ANKRD36C: variants seen among roughly 807,000 people sequenced by gnomAD.
ANKRD36C encodes the protein ankyrin repeat domain-containing protein 36C.
In ANKRD36C, 61 loss-of-function variants were observed where a neutral mutation model predicts 276.4. That is an observed-to-expected ratio of 0.22 (90% CI 0.18 to 0.27). The LOEUF (loss-of-function observed/expected upper bound fraction) is 0.27. Among genes scored for constraint, ANKRD36C ranks in the 10% least tolerant of loss-of-function variants. The pLI, the probability that ANKRD36C is intolerant of heterozygous loss-of-function variation, is 1.00. For synonymous variants in ANKRD36C, 483 were observed against 680.1 expected, an observed-to-expected ratio of 0.71 and a Z score of 4.51; for missense variants, 1,447 against 2,032.3, an observed-to-expected ratio of 0.71 and a Z score of 5.54.
chr2:95,977,282 TG>T (rs1678830120), intron 6 of ANKRD36C, among the ~76,000 whole-genome samples: 1 of 152,162 alleles, frequency 6.6e-6, no homozygotes, highest in Non-Finnish European at 1.5e-5. Flanking sequence ...TCATATTAAC[TG>T]TACCTCTTTT....
At chr2:95,947,788 A>C (rs796166059) in intron 17 of ANKRD36C, among the ~76,000 whole-genome samples, 1 of 152,154 alleles carries the variant, frequency 6.6e-6, no homozygotes. Context: ...TCTACTATAG[A>C]TGTGAGAACA....
chr2:95,857,521 C>T, intron 61 of ANKRD36C, 29 bp from the exon 82 acceptor site: 1 of 1,536,020 alleles, frequency 6.5e-7, no homozygotes, highest in Admixed American at 2.1e-5. Context: ...TAGAATTTAT[C>T]TTATCAGTGA....
chr2:95,982,139 C>G, intron 4 of ANKRD36C, 117 bp downstream of exon 4: 1 of 757,066 alleles, frequency 1.3e-6, no homozygotes, highest in Non-Finnish European at 2.1e-6. Context: ...CTCACTATAT[C>G]CCAATAATTA....
chr2:95,889,848 A>G, exon 48 of ANKRD36C: 14 of 1,603,610 alleles, frequency 8.7e-6, no homozygotes, highest in Non-Finnish European at 1.2e-5. Context: ...TATTCGGAAC[A>G]GAATTTTCCT....
At chr2:95,946,668 A>T (rs1264882972) in intron 17 of ANKRD36C, among the ~76,000 whole-genome samples, 3 of 151,210 alleles carry the variant, frequency 2.0e-5, no homozygotes, top group Non-Finnish European at 4.4e-5. Context: ...CAAATGTCCA[A>T]CAATGATAGA....
At chr2:95,915,004 C>T (rs756674412) in intron 38 of ANKRD36C, among the ~76,000 whole-genome samples, 16 of 150,868 alleles carry the variant, frequency 1.1e-4, no homozygotes, top group Admixed American at 3.3e-4. Context: ...AAATATCATC[C>T]ATTATCAATT....
At chr2:95,989,702 CA>C (rs1241133208) in intron 1 of ANKRD36C, among the ~76,000 whole-genome samples, 1 of 152,134 alleles carries the variant, frequency 6.6e-6, no homozygotes, top group Non-Finnish European at 1.5e-5. Flanking sequence ...TACATTTTTA[CA>C]GTGTGATACT....
At chr2:95,968,224 G>A (rs1368316935) in intron 6 of ANKRD36C, among the ~76,000 whole-genome samples, 2 of 152,064 alleles carry the variant, frequency 1.3e-5, no homozygotes, top group Non-Finnish European at 1.5e-5. Context: ...ATACTTGGAG[G>A]CTATACTAAA....
chr2:95,880,559 G>C (rs199618189), intron 57 of ANKRD36C, 36 bp downstream of exon 77: 5 of 1,533,232 alleles, frequency 3.3e-6, no homozygotes, highest in Non-Finnish European at 3.5e-6. Flanking sequence ...AGGTTATGCA[G>C]TTAATAATTA....
Position 95,910,352 on chromosome 2 carries a change from T to A in ANKRD36C, c.2653+1892A>T. On this transcript the variant is annotated intron_variant, in intron 42 of 66. Coordinates refer to ENST00000456556, the Ensembl canonical transcript of ANKRD36C. ...TATCTATCTGGACAGAACACGACATTAAATCTGTTTTCAAAATTACCTGTC... is the reference window on the plus strand; with the variant it reads ...TATCTATCTGGACAGAACACGACATAAAATCTGTTTTCAAAATTACCTGTC... 4 of 1,529,296 alleles carry A rather than the reference T, an allele frequency of 2.6e-6. No individual in the cohort carries two copies. In the South Asian group the frequency reaches 4.8e-5, roughly 18 times the overall value. 94.7% of individuals were successfully genotyped at this position (1,529,296 alleles called of 1,614,324 possible). A position where few individuals can be genotyped will look rare whatever the true frequency, so the allele number is the denominator to read the frequency against.
exon 1 of ANKRD36C, chr2:95,991,673 G>A: frequency 1.2e-6 from 2 of 1,613,982 alleles, no homozygotes; most frequent in Non-Finnish European, 1.7e-6. Flanking sequence ...AGCGGTCCCT[G>A]AGGGTGGGCC....
intron 16 of ANKRD36C, among the ~76,000 whole-genome samples, chr2:95,950,157 C>A (rs369999257): frequency 7.0e-6 from 1 of 142,070 alleles, no homozygotes; most frequent in African/African-American, 2.6e-5. Context: ...ATTCTCCAAG[C>A]ACAGTAAAAT....
chr2:95,908,766 G>A (rs1382516405), intron 42 of ANKRD36C, 69 bp from the exon 47 acceptor site: 2 of 1,530,762 alleles, frequency 1.3e-6, no homozygotes, highest in Non-Finnish European at 1.8e-6. Flanking sequence ...TATTCATGCA[G>A]TGTTAGCATC....
intron 22 of ANKRD36C, among the ~76,000 whole-genome samples, chr2:95,937,996 A>T (rs538771456): frequency 1.3e-5 from 2 of 152,192 alleles, no homozygotes; most frequent in African/African-American, 2.4e-5. Flanking sequence ...CAAAACAAAG[A>T]TGACCAAACT....
downstream of ANKRD36C, among the ~76,000 whole-genome samples, chr2:95,850,292 C>A (rs1187248743): frequency 6.6e-6 from 1 of 152,278 alleles, no homozygotes; most frequent in African/African-American, 2.4e-5. Context: ...CACCCCTCAA[C>A]AACTGTATGC....
intron 46 of ANKRD36C, among the ~76,000 whole-genome samples, chr2:95,891,420 C>T (rs947209383): frequency 2.6e-5 from 4 of 151,402 alleles, no homozygotes; most frequent in African/African-American, 9.7e-5. Flanking sequence ...GCCCCTTATG[C>T]CTTGAACTGC....
intron 38 of ANKRD36C, among the ~76,000 whole-genome samples, chr2:95,915,274 T>A (rs916414268): frequency 7.9e-5 from 12 of 151,618 alleles, no homozygotes; most frequent in Admixed American, 2.6e-4. Context: ...ATCTCATTTC[T>A]ATAACTAAAA....
At chr2:95,943,402 G>A (rs199921833) in intron 19 of ANKRD36C, among the ~76,000 whole-genome samples, 148 of 146,594 alleles carry the variant, frequency 1.0e-3, no homozygotes, top group Non-Finnish European at 1.8e-3. Context: ...GGAGAATGGC[G>A]TGAACCCGGG....
At chr2:95,918,200 GT>G (rs1262866256) in intron 34 of ANKRD36C, among the ~76,000 whole-genome samples, 158 bp from the exon 37 acceptor site, 15 of 151,602 alleles carry the variant, frequency 9.9e-5, no homozygotes, top group Admixed American at 9.2e-4. Flanking sequence ...CATGACAGAA[GT>G]ACACTGGTAA....
Sources: allele counts gnomAD v4.1 joint callset (sites outside exome capture counted in the v4.1 genomes callset), GRCh38; gene constraint gnomAD v4.1.1; transcripts MANE v1.5; gene names NCBI Gene and HGNC (gene_info 2026-07-23, HGNC 2026-07-21).